The following MYO18B variants were observed in gnomAD, a reference collection of about 807,000 sequenced individuals.
MYO18B encodes unconventional myosin-XVIIIb.
In MYO18B, 204 loss-of-function variants were observed where a neutral mutation model predicts 273.0. The ratio of observed to expected loss-of-function variants is 0.75; its 90% CI spans 0.67 to 0.84. The LOEUF (loss-of-function observed/expected upper bound fraction) is 0.84, where lower values mean the gene tolerates loss of function less well. MYO18B is among the 40% of genes least tolerant of loss of function. The pLI, the probability that MYO18B is intolerant of heterozygous loss-of-function variation, is 0.00. For synonymous variants in MYO18B, 1,330 were observed against 1,305.7 expected (o/e 1.02, Z -0.40); for missense variants, 3,212 against 3,287.6 (o/e 0.98, Z 0.56).
At chr22:25,991,849 G>A (rs2093273757) in intron 39 of MYO18B, among the ~76,000 whole-genome samples, 1 of 152,162 alleles carries the variant, frequency 6.6e-6, no homozygotes, top group African/African-American at 2.4e-5. Flanking sequence ...GAGCCCAGCT[G>A]GGTTTTTCAT....
chr22:25,821,506 G>A (rs1376813315), intron 12 of MYO18B, among the ~76,000 whole-genome samples: 1 of 152,176 alleles, frequency 6.6e-6, no homozygotes, highest in Non-Finnish European at 1.5e-5. Flanking sequence ...GGCCGGGAGT[G>A]GGGGCTCACG....
rs541869719 is a variant in MYO18B at position 25,886,445 on chromosome 22, T to C, written c.4315-4311T>C. Among the ~76,000 whole-genome samples, 563 of 152,298 alleles carry C rather than the reference T, an allele frequency of 3.7e-3. 9 individuals are homozygous for C. The highest frequency in any genetic ancestry group is 0.013 in the African/African-American group (539 of 41,552). ...GACGAACATCCCACAAGCCAGCTGG[T>C]ACTGCAGTTGGGCTGGCCCTGTATC... is the stretch of plus-strand genomic sequence containing the variant. On this transcript the variant is annotated intron_variant, in intron 25 of 43. Coordinates refer to ENST00000335473, the MANE Select transcript of MYO18B (RefSeq NM_032608.7).
intron 1 of MYO18B, among the ~76,000 whole-genome samples, chr22:25,755,704 G>A (rs2086094501): frequency 6.6e-6 from 1 of 152,214 alleles, no homozygotes; most frequent in South Asian, 2.1e-4. Context: ...TTTGTTCACG[G>A]GACAGCTGCT....
At chr22:25,783,398 G>T (rs1441367126) in intron 10 of MYO18B, among the ~76,000 whole-genome samples, 1 of 152,248 alleles carries the variant, frequency 6.6e-6, no homozygotes, top group Non-Finnish European at 1.5e-5. Context: ...GTGTAATGTG[G>T]GAAGGAGTAG....
At chr22:25,857,816 G>A (rs528697309) in intron 21 of MYO18B, among the ~76,000 whole-genome samples, 2 of 152,328 alleles carry the variant, frequency 1.3e-5, no homozygotes, top group East Asian at 3.9e-4. Flanking sequence ...ACCACGCCAG[G>A]CTAATTTTAG....
At chr22:25,851,435 C>A in intron 20 of MYO18B, 35 bp from the exon 21 acceptor site, 2 of 1,433,242 alleles carry the variant, frequency 1.4e-6, no homozygotes, top group South Asian at 1.2e-5. Flanking sequence ...CATCTGGACT[C>A]TGTGCTCTTC....
chr22:25,747,087 A>G (rs1467837464), intron 1 of MYO18B, among the ~76,000 whole-genome samples: 2 of 152,258 alleles, frequency 1.3e-5, no homozygotes, highest in Non-Finnish European at 2.9e-5. Context: ...GCACCACTGT[A>G]CTCCAGCCTG....
At chr22:26,060,997 GCACACACATACACA>G in the MYO18B span, among the ~76,000 whole-genome samples, 1 of 97,902 alleles carries the variant, frequency 1.0e-5, no homozygotes, top group East Asian at 2.5e-4. Flanking sequence ...TACCACATAT[GCACACACATACACA>G]CACACACACA....
At chr22:25,783,256 T>C (rs568620133) in intron 10 of MYO18B, among the ~76,000 whole-genome samples, 2 of 152,236 alleles carry the variant, frequency 1.3e-5, no homozygotes, top group Non-Finnish European at 2.9e-5. Flanking sequence ...ATCTGGGCTT[T>C]GCCCCACATG....
intron 22 of MYO18B, among the ~76,000 whole-genome samples, chr22:25,872,995 A>C (rs2146177085): frequency 6.6e-6 from 1 of 152,302 alleles, no homozygotes; most frequent in East Asian, 1.9e-4. Flanking sequence ...CCACCATAAG[A>C]GCATTTTTCC....
rs374788300 is a variant in MYO18B at position 25,832,248 on chromosome 22, G to A, written c.2980-669G>A. ...TTCCCATGTGATTCAGCAATTCCAT[G>A]TCTGGGTATGTACTGAAAAGAATTG... is the stretch of plus-strand genomic sequence containing the variant. On this transcript the variant is annotated intron_variant, in intron 15 of 43. Coordinates refer to ENST00000335473, the MANE Select transcript of MYO18B (RefSeq NM_032608.7). Among the ~76,000 whole-genome samples, 227 of 152,280 alleles carry A rather than the reference G, an allele frequency of 1.5e-3. 10 individuals are homozygous for A. In the South Asian group the frequency reaches 0.046, roughly 31 times the overall value.
chr22:25,982,716 T>C (rs1409914892), intron 39 of MYO18B, among the ~76,000 whole-genome samples: 2 of 152,166 alleles, frequency 1.3e-5, no homozygotes, highest in African/African-American at 2.4e-5. Context: ...CAAAGACCCT[T>C]ATGATTGAGT....
Position 25,781,753 on chromosome 22 carries a change from G to T in MYO18B, c.2231G>T (p.Ser744Ile). 2 of 1,578,886 alleles carry T rather than the reference G, an allele frequency of 1.3e-6. No individual in the cohort carries two copies. Among genetic ancestry groups the T allele is most frequent in the Non-Finnish European group, 1.7e-6 (2 of 1,163,708 alleles). Residue 744 changes from serine (S) to isoleucine (I), a missense_variant, in exon 10 of 44, where the codon AGC (serine) becomes ATC (isoleucine). Coordinates refer to ENST00000335473, the MANE Select transcript of MYO18B (RefSeq NM_032608.7). Reference sequence around the variant, plus strand: ...CTGCAGACAATGCTTTTGGAGAAGAGCCGCGTGGCACGGCAGCCGGAAGGG... The same window carrying T: ...CTGCAGACAATGCTTTTGGAGAAGATCCGCGTGGCACGGCAGCCGGAAGGG... The part of the protein sequence containing the change: ...AQLQTMLLEK[S>I]RVARQPEGES...
At chr22:26,024,242 A>G (rs1601858597) in intron 42 of MYO18B, among the ~76,000 whole-genome samples, 2 of 152,228 alleles carry the variant, frequency 1.3e-5, no homozygotes, top group South Asian at 2.1e-4. Context: ...TAAATTATTC[A>G]TCATAACCAC....
In MYO18B at chr22:25,908,405, G is replaced by C. The variant is rs758764957; in HGVS notation, c.5232G>C (p.Glu1744Asp). Residue 1744 changes from glutamate (E) to aspartate (D), a missense_variant, in exon 32 of 44, where the codon GAG (glutamate) becomes GAC (aspartate). By Grantham distance (45) the Glu-to-Asp change is conservative (BLOSUM62 2). Transcript: ENST00000335473. ...KDREDQEEEL[E>D]DVRQSCQKRL... The stretch of plus-strand genomic sequence containing the variant: ...GTGAGGACCAGGAGGAGGAACTGGA[G>C]GATGTCCGTCAGTCCTGCCAGAAGC... 9.4e-6 allele frequency: 15 copies of C among 1,598,368 alleles called. No homozygotes were observed. Among genetic ancestry groups the C allele is most frequent in the African/African-American group, 1.3e-5 (1 of 74,666 alleles).
rs695633 is a variant in MYO18B, at chr22:25,876,303, A to G, written c.4195A>G (p.Ile1399Val). 6.8e-3 allele frequency: 10,891 copies of G among 1,613,350 alleles called. 566 individuals carry two copies. In the African/African-American group the frequency reaches 0.12, roughly 17 times the overall value. Reference protein sequence around the residue: ...GSLQPLLSATIGTEQLRAKEE... With the variant: ...GSLQPLLSATVGTEQLRAKEE... ...CCTCCAGCCTCTACTTAGTGCCACC[A>G]TTGGAACTGAGCAGCTCCGAGCCAA... The change falls in exon 24 of 44, where the codon ATT becomes GTT. Residue 1399 changes from isoleucine to valine, a missense_variant. Transcript: ENST00000335473.
chr22:25,843,833 C>T lies in MYO18B; in HGVS notation c.3307C>T (p.His1103Tyr), dbSNP rs2090156016. The T allele has an allele frequency of 6.2e-7, 1 of 1,613,784 alleles. No individual in the cohort carries two copies. Among genetic ancestry groups the T allele is most frequent in the African/African-American group, 1.3e-5 (1 of 75,050 alleles). Residue 1103 changes from histidine to tyrosine, a missense_variant, in exon 18 of 44, where the codon CAC becomes TAC. Transcript: ENST00000335473. The stretch of plus-strand genomic sequence containing the variant: ...GCGGTACGACCTCACGGGCTGGCTC[C>T]ACAGAGCCAAGCCCAACCTCTCGGC... ...PVRYDLTGWL[H>Y]RAKPNLSALD...
chr22:25,797,858 G>A (rs1031087626), intron 11 of MYO18B, 95 bp from the exon 12 acceptor site: 50 of 1,566,414 alleles, frequency 3.2e-5, no homozygotes, highest in East Asian at 4.5e-5. Context: ...AATGACCCCC[G>A]CATTCCTTCG....
intron 29 of MYO18B, chr22:25,900,966 G>A (rs376978132): frequency 2.0e-5 from 3 of 152,336 alleles, no homozygotes; most frequent in East Asian, 3.9e-4. Context: ...TCAGTGAATG[G>A]ATCGAATAAC....
Sources: gnomAD v4.1 joint callset for allele counts (sites outside exome capture counted in the v4.1 genomes callset) on GRCh38, gnomAD v4.1.1 for gene constraint, MANE v1.5 for transcripts, NCBI Gene and HGNC (gene_info 2026-07-23, HGNC 2026-07-21) for gene names.